RBM4B: variants seen among roughly 807,000 people sequenced by gnomAD.
RBM4B encodes RNA binding motif protein 4B.
A neutral mutation model predicts 28.5 loss-of-function variants in RBM4B; 13 were observed. That is an observed-to-expected ratio of 0.46 (90% CI 0.30 to 0.72). The LOEUF is 0.72. Ranked by LOEUF, RBM4B falls within the 30% of genes least tolerant of loss-of-function variation. RBM4B has a pLI of 0.09. For missense variants in RBM4B, 387 were observed against 477.6 expected (o/e 0.81, Z 1.77); for synonymous variants, 167 against 179.1 (o/e 0.93, Z 0.54).
intron 2 of RBM4B, among the ~76,000 whole-genome samples, chr11:66,670,384 T>C (rs940176943): frequency 2.0e-5 from 3 of 152,074 alleles, no homozygotes; most frequent in Non-Finnish European, 4.4e-5. Context: ...TAACTTACAA[T>C]TTTTATAGGG....
At chr11:66,675,866 A>T (rs1939620675) in intron 2 of RBM4B, 1 of 152,228 alleles carries the variant, frequency 6.6e-6, no homozygotes, top group Non-Finnish European at 1.5e-5. Context: ...TGTTAATTTC[A>T]ATTTACTAAG....
chr11:66,665,538 A>AT lies in RBM4B; in HGVS notation c.*49dup. 4 of 1,495,546 alleles carry AT rather than the reference A, an allele frequency of 2.7e-6. No individual in the cohort carries two copies. Among genetic ancestry groups the AT allele is most frequent in the Non-Finnish European group, 3.6e-6 (4 of 1,109,808 alleles). 92.6% of individuals were successfully genotyped at this position (1,495,546 alleles called of 1,614,324 possible). On this transcript the variant is annotated 3_prime_UTR_variant, in exon 4 of 4. Coordinates refer to ENST00000310046, the MANE Select transcript of RBM4B (RefSeq NM_031492.4). ...GGGACCGCGCGGAGCAAGTTCTCAT[A>AT]TATGACCGCAGCCCGAGGGTTCAGT...
At chr11:66,673,682 C>G (rs1939541592) in intron 2 of RBM4B, among the ~76,000 whole-genome samples, 1 of 152,198 alleles carries the variant, frequency 6.6e-6, no homozygotes, top group African/African-American at 2.4e-5. Flanking sequence ...TAGTCTTGAA[C>G]TCCTGACCTT....
chr11:66,675,928 TGTG>T (rs1268862616), intron 2 of RBM4B: 2 of 152,228 alleles, frequency 1.3e-5, no homozygotes, highest in Non-Finnish European at 2.9e-5. Flanking sequence ...GACAACCTCT[TGTG>T]GTATTAATGA....
intron 2 of RBM4B, among the ~76,000 whole-genome samples, chr11:66,674,591 A>C (rs1007914320): frequency 6.8e-6 from 1 of 146,694 alleles, no homozygotes; most frequent in African/African-American, 2.5e-5. Context: ...CTTTTTTGAG[A>C]AGGAGTCTCG....
At chr11:66,677,245 T>C in intron 1 of RBM4B, 154 bp from the exon 2 acceptor site, 1 of 999,610 alleles carries the variant, frequency 1.0e-6, no homozygotes, top group South Asian at 1.7e-5. Flanking sequence ...GGGCGGTTTG[T>C]TCTCGAGAAG....
chr11:66,667,178 C>T (rs2135229780), intron 3 of RBM4B: 1 of 152,280 alleles, frequency 6.6e-6, no homozygotes, highest in Admixed American at 6.5e-5. Context: ...TGCTCAATTT[C>T]AAGGTACAAG....
chr11:66,665,784 T>C (rs551131421), intron 3 of RBM4B: 4 of 1,373,442 alleles, frequency 2.9e-6, no homozygotes, highest in African/African-American at 2.9e-5. Flanking sequence ...TATGGCTATA[T>C]ATATAGGACA....
chr11:66,671,235 A>C (rs1460181875), intron 2 of RBM4B, among the ~76,000 whole-genome samples: 1 of 152,170 alleles, frequency 6.6e-6, no homozygotes, highest in Non-Finnish European at 1.5e-5. Context: ...AAATCTCTAA[A>C]AGCATTTTGC....
rs867080495 is a variant in RBM4B at position 66,666,037 on chromosome 11, A to G, written c.*10-459T>C. The G allele has an allele frequency of 3.8e-6, 5 of 1,309,118 alleles. No homozygotes were observed. The Middle Eastern group carries it at 9.2e-4, about 242-fold the overall frequency. The allele number at this position is 1,309,118 out of a possible 1,614,324, so 81.1% of individuals were successfully genotyped here. On this transcript the variant is annotated intron_variant, in intron 3 of 3. Transcript: ENST00000310046. ...AATCTTTCACAGTAAACAAGCTTTCAGAAATGATGGTCACAAGGGGTAGGA... is the reference window on the plus strand; with the variant it reads ...AATCTTTCACAGTAAACAAGCTTTCGGAAATGATGGTCACAAGGGGTAGGA...
intron 2 of RBM4B, chr11:66,670,931 C>T: frequency 1.4e-6 from 1 of 702,562 alleles, no homozygotes; most frequent in Non-Finnish European, 2.6e-6. Context: ...CTCTCTTTAA[C>T]AGACCTTCTT....
intron 1 of RBM4B, 116 bp downstream of exon 1, chr11:66,677,648 T>C (rs1038464837): frequency 2.2e-4 from 34 of 154,406 alleles, no homozygotes; most frequent in Non-Finnish European, 4.6e-4. Flanking sequence ...CCCGTTGTCT[T>C]CCCAGACCTC....
At chr11:66,666,461 C>T (rs1445108806) in intron 3 of RBM4B, 1 of 987,364 alleles carries the variant, frequency 1.0e-6, no homozygotes, top group Non-Finnish European at 1.2e-6. Flanking sequence ...CTGCAACCAA[C>T]TCAGGGTTAT....
At chr11:66,677,355 A>C in intron 1 of RBM4B, 3 of 526,710 alleles carry the variant, frequency 5.7e-6, no homozygotes, top group Non-Finnish European at 1.0e-5. Flanking sequence ...TACCAGAATT[A>C]GCTGCTTCAT....
intron 2 of RBM4B, among the ~76,000 whole-genome samples, chr11:66,670,765 A>G (rs1939435106): frequency 6.6e-6 from 1 of 151,420 alleles, no homozygotes; most frequent in Non-Finnish European, 1.5e-5. Context: ...TGGAGATCAT[A>G]CCACTGCAAT....
rs1293808291 is a variant in RBM4B at position 66,669,309 on chromosome 11, A to C, written c.413-18T>G. 1 of 1,601,172 alleles carries C rather than the reference A, an allele frequency of 6.2e-7. No homozygotes were observed. Among genetic ancestry groups the C allele is most frequent in the African/African-American group, 1.3e-5 (1 of 74,462 alleles). ...TCTTTTGCCTTGAGGGAACAGATGTAAGAAGATTTATTTTAACTCACTTGA... is the reference window on the plus strand; with the variant it reads ...TCTTTTGCCTTGAGGGAACAGATGTCAGAAGATTTATTTTAACTCACTTGA... On this transcript the variant is annotated intron_variant, in intron 2 of 3. Coordinates refer to ENST00000310046, the MANE Select transcript of RBM4B (RefSeq NM_031492.4).
intron 3 of RBM4B, chr11:66,666,007 GT>G (rs1016439211): frequency 4.8e-6 from 7 of 1,446,338 alleles, no homozygotes; most frequent in Non-Finnish European, 6.5e-6. Context: ...AATGTGTTTT[GT>G]TTTAATCTTT....
At chr11:66,672,972 T>A (rs1444589329) in intron 2 of RBM4B, among the ~76,000 whole-genome samples, 1 of 152,208 alleles carries the variant, frequency 6.6e-6, no homozygotes, top group African/African-American at 2.4e-5. Flanking sequence ...TTCCAAAAGT[T>A]ACTGAAGTTT....
chr11:66,670,816 AAAAAAAATGGAAAAC>A (rs1939437797), intron 2 of RBM4B: 3 of 637,600 alleles, frequency 4.7e-6, no homozygotes, highest in Non-Finnish European at 8.4e-6. Context: ...TCAAAAAAAA[AAAAAAAATGGAAAAC>A]GCAGTCAGTA....
Sources: gnomAD v4.1 joint callset for allele counts (sites outside exome capture counted in the v4.1 genomes callset) on GRCh38, gnomAD v4.1.1 for gene constraint, MANE v1.5 for transcripts, NCBI Gene and HGNC (gene_info 2026-07-23, HGNC 2026-07-21) for gene names.